The following ATP13A4 variants were observed in gnomAD, a reference collection of about 807,000 sequenced individuals.
ATP13A4 encodes ATPase 13A4.
In ATP13A4, 114 loss-of-function variants were observed where a neutral mutation model predicts 142.5. The observed-to-expected ratio is 0.80, with a 90% CI of 0.69 to 0.93. The LOEUF (loss-of-function observed/expected upper bound fraction) is 0.93, where lower values mean the gene tolerates loss of function less well. ATP13A4 is among the 40% of genes least tolerant of loss of function. ATP13A4 has a pLI of 0.00. For synonymous variants in ATP13A4, 488 were observed against 514.8 expected, an observed-to-expected ratio of 0.95 and a Z score of 0.70; for missense variants, 1,392 against 1,454.0, an observed-to-expected ratio of 0.96 and a Z score of 0.69.
chr3:193,445,517 G>A (rs1716896250), intron 18 of ATP13A4, among the ~76,000 whole-genome samples: 1 of 152,014 alleles, frequency 6.6e-6, no homozygotes, highest in African/African-American at 2.4e-5. Flanking sequence ...AGCACTTTGG[G>A]AGGCCAAGGT....
chr3:193,536,863 T>G (rs1326635256), intron 1 of ATP13A4, among the ~76,000 whole-genome samples: 1 of 151,896 alleles, frequency 6.6e-6, no homozygotes, highest in African/African-American at 2.4e-5. Flanking sequence ...ACTACTACAA[T>G]CACTCCAAAG....
chr3:193,414,737 A>G lies in ATP13A4; in HGVS notation c.2856T>C (p.Gly952=). The change falls in exon 26 of 30, where the codon GGT becomes GGC. Residue 952 remains glycine, a synonymous_variant. Coordinates refer to ENST00000342695, the MANE Select transcript of ATP13A4 (RefSeq NM_032279.4). ...TGAAAGGCACCAGCTTAGGGTAGGC[A>G]CCATTCAGATTCACTATAAAATAAA... ...TLIGVTMNLN[G]AYPKLVPFRP... 2 of 1,614,108 alleles carry G rather than the reference A, an allele frequency of 1.2e-6. No homozygotes were observed. The highest frequency in any genetic ancestry group is 1.7e-6 in the Non-Finnish European group (2 of 1,179,976).
intron 6 of ATP13A4, 89 bp from the exon 7 acceptor site, chr3:193,489,953 G>C: frequency 7.4e-7 from 1 of 1,356,406 alleles, no homozygotes; most frequent in Non-Finnish European, 1.0e-6. Context: ...TCATCTTCAT[G>C]ACATACATCA....
intron 2 of ATP13A4, among the ~76,000 whole-genome samples, chr3:193,570,873 T>C (rs143954137): frequency 5.1e-4 from 77 of 152,310 alleles, no homozygotes; most frequent in African/African-American, 1.8e-3. Context: ...TGAGATGACA[T>C]ATATACAATG....
intron 25 of ATP13A4, among the ~76,000 whole-genome samples, chr3:193,424,913 C>T (rs965640531): frequency 6.7e-6 from 1 of 148,312 alleles, no homozygotes; most frequent in African/African-American, 2.5e-5. Context: ...GAAAATATTT[C>T]TAAACTATGC....
chr3:193,455,198 G>A (rs950141961), intron 16 of ATP13A4, among the ~76,000 whole-genome samples: 9 of 151,992 alleles, frequency 5.9e-5, no homozygotes, highest in African/African-American at 1.4e-4. Flanking sequence ...AAAATTAGCC[G>A]GGCGAGGTGG....
At chr3:193,449,876 T>C (rs535021780) in intron 17 of ATP13A4, among the ~76,000 whole-genome samples, 6 of 152,204 alleles carry the variant, frequency 3.9e-5, no homozygotes, top group Admixed American at 1.3e-4. Context: ...TCCCAGCACT[T>C]TGGGAGGCCG....
intron 26 of ATP13A4, 99 bp from the exon 27 acceptor site, chr3:193,412,470 G>T: frequency 2.9e-5 from 27 of 926,548 alleles, no homozygotes; most frequent in Middle Eastern, 3.6e-4. Context: ...TCCAGAGCAG[G>T]CACTCAATGC....
At chr3:193,464,792 C>T in intron 12 of ATP13A4, 148 bp downstream of exon 12, 1 of 868,434 alleles carries the variant, frequency 1.2e-6, no homozygotes, top group East Asian at 2.4e-5. Flanking sequence ...AGAGACATAT[C>T]TTTCCCAGAT....
chr3:193,543,705 T>C (rs1177257469), intron 1 of ATP13A4, among the ~76,000 whole-genome samples: 2 of 152,142 alleles, frequency 1.3e-5, no homozygotes, highest in African/African-American at 4.8e-5. Context: ...ATCCACGAAG[T>C]CATAAATTTT....
upstream of ATP13A4, chr3:193,554,925 C>G: frequency 3.7e-6 from 6 of 1,604,032 alleles, no homozygotes; most frequent in Non-Finnish European, 4.2e-6. Context: ...CAGGTTAAAA[C>G]TCCTCCTTGA....
Position 193,466,142 on chromosome 3 carries a change from G to A in ATP13A4, c.1155C>T (p.Leu385=), listed in dbSNP as rs777868483. Residue 385 remains leucine (L), a synonymous_variant, in exon 11 of 30, where the codon CTC becomes CTT. Coordinates refer to ENST00000342695, the MANE Select transcript of ATP13A4 (RefSeq NM_032279.4). ...TAKGDLVRSI[L]YPKPVNFQLY... is the part of the protein sequence containing the mutation. Reference sequence around the variant, plus strand: ...ACTGAAAATTCACTGGCTTAGGGTAGAGAATGGATCTCACAAGGTCTCCCT... The same window carrying A: ...ACTGAAAATTCACTGGCTTAGGGTAAAGAATGGATCTCACAAGGTCTCCCT... 3.0e-5 allele frequency: 49 copies of A among 1,613,992 alleles called. No homozygotes were observed. Among genetic ancestry groups the A allele is most frequent in the Admixed American group, 1.7e-5 (1 of 59,998 alleles).
intron 17 of ATP13A4, among the ~76,000 whole-genome samples, chr3:193,449,504 A>C (rs1717145658): frequency 6.6e-6 from 1 of 152,144 alleles, no homozygotes; most frequent in South Asian, 2.1e-4. Context: ...TGAACTACTC[A>C]CCTCAGAGCA....
intron 12 of ATP13A4, among the ~76,000 whole-genome samples, 191 bp from the exon 13 acceptor site, chr3:193,463,014 C>T (rs1331438125): frequency 2.6e-5 from 4 of 151,650 alleles, no homozygotes; most frequent in African/African-American, 4.8e-5. Context: ...GGCCCCATAG[C>T]GAAGACTCCG....
rs149303888 is a variant in ATP13A4, at chr3:193,476,468, G to A, written c.809-5475C>T. Among the ~76,000 whole-genome samples the A allele has an allele frequency of 1.8e-4, 27 of 152,134 alleles. No homozygotes were observed. The East Asian group carries it at 4.6e-3, about 26-fold the overall frequency. ...TATTCAGACCACTACAACTTTCTCCGCATCCACAGTAATGTTGCTTCGCTT... is the reference window on the plus strand; with the variant it reads ...TATTCAGACCACTACAACTTTCTCCACATCCACAGTAATGTTGCTTCGCTT... On this transcript the variant is annotated intron_variant, in intron 8 of 29. Transcript: ENST00000342695.
At chr3:193,580,363 TG>T (rs796136033) in intron 2 of ATP13A4, among the ~76,000 whole-genome samples, 13 of 152,272 alleles carry the variant, frequency 8.5e-5, no homozygotes, top group African/African-American at 3.1e-4. Context: ...AGCCTCAACT[TG>T]GTTTATCTTG....
chr3:193,552,043 G>T (rs1577075775), intron 1 of ATP13A4, among the ~76,000 whole-genome samples: 1 of 152,132 alleles, frequency 6.6e-6, no homozygotes, highest in African/African-American at 2.4e-5. Flanking sequence ...GCGCGATCTT[G>T]GCTCACTGCA....
intron 29 of ATP13A4, among the ~76,000 whole-genome samples, chr3:193,404,473 G>A (rs1714396144): frequency 6.6e-6 from 1 of 152,180 alleles, no homozygotes; most frequent in Admixed American, 6.5e-5. Context: ...CAAATCTCGT[G>A]CTGAAATATA....
intron 1 of ATP13A4, among the ~76,000 whole-genome samples, chr3:193,547,062 C>A (rs1723269988): frequency 6.6e-6 from 1 of 152,192 alleles, no homozygotes; most frequent in Non-Finnish European, 1.5e-5. Context: ...TTAGAGACAT[C>A]CTTAATAACT....
Sources: allele counts gnomAD v4.1 joint callset (sites outside exome capture counted in the v4.1 genomes callset), GRCh38; gene constraint gnomAD v4.1.1; transcripts MANE v1.5; gene names NCBI Gene and HGNC (gene_info 2026-07-23, HGNC 2026-07-21).